GLIS1: variants seen among roughly 807,000 people sequenced by gnomAD.
GLIS1 encodes zinc finger protein GLIS1.
A neutral mutation model predicts 63.8 loss-of-function variants in GLIS1; 24 were observed. That is an observed-to-expected ratio of 0.38 (90% CI 0.27 to 0.53). The LOEUF (loss-of-function observed/expected upper bound fraction) is 0.53. Among genes scored for constraint, GLIS1 ranks in the 20% least tolerant of loss-of-function variants. GLIS1 has a pLI of 0.85. For synonymous variants in GLIS1, 450 were observed against 482.5 expected (o/e 0.93, Z 0.88); for missense variants, 1,036 against 1,074.1 (o/e 0.96, Z 0.50).
rs964932344 is a variant in GLIS1 at position 53,688,357 on chromosome 1, C to T, written c.259+49449G>A. ...GGGTAGAGGTGGGGAAAGGGGAAGA[C>T]GTGGCGGGTGGAAGGGGGCTCTCCC... On this transcript the variant is annotated intron_variant, in intron 2 of 10. Transcript: ENST00000628545. Among the ~76,000 whole-genome samples the T allele has an allele frequency of 2.6e-5, 4 of 152,184 alleles. No homozygotes were observed. The South Asian group carries it at 6.2e-4, about 24-fold the overall frequency.
chr1:53,514,841 G>A, intron 7 of GLIS1, 60 bp from the exon 8 acceptor site: 1 of 1,487,696 alleles, frequency 6.7e-7, no homozygotes, highest in Non-Finnish European at 9.0e-7. Context: ...TGGTTGTGAT[G>A]GCCCAGGAGC....
chr1:53,545,399 T>C (rs1291978395), intron 4 of GLIS1, among the ~76,000 whole-genome samples: 1 of 152,222 alleles, frequency 6.6e-6, no homozygotes, highest in Non-Finnish European at 1.5e-5. Flanking sequence ...GGGCAGACTG[T>C]CATGCTTTTA....
At chr1:53,664,673 G>A (rs140088332) in intron 2 of GLIS1, among the ~76,000 whole-genome samples, 2 of 152,144 alleles carry the variant, frequency 1.3e-5, no homozygotes, top group East Asian at 1.9e-4. Context: ...GCAAACAAAC[G>A]AATAGTTGCA....
rs1483774444 is a variant in GLIS1 at position 53,594,511 on chromosome 1, T to G, written c.917A>C (p.Glu306Ala). The change falls in exon 4 of 11, where the codon GAG becomes GCG. Residue 306 changes from glutamate to alanine, a missense_variant. Glu to Ala is a moderately radical substitution (Grantham distance 107, BLOSUM62 -1). This residue lies in a region of GLIS1 where 592 missense variants were observed against 593.9 expected (regional missense o/e 1.00). Transcript: ENST00000628545. ...RPGPASTDSH[E>A]GSLQLEACRK... is the part of the protein sequence containing the mutation. ...GCAGGCTTCAAGTTGCAAGCTGCCC[T>G]CATGGCTGTCCGTCGATGCAGGGCC... The G allele has an allele frequency of 6.2e-7, 1 of 1,612,732 alleles. No homozygotes were observed. The highest frequency in any genetic ancestry group is 8.5e-7 in the Non-Finnish European group (1 of 1,179,754).
rs146045341 is a variant in GLIS1 at position 53,616,781 on chromosome 1, G to A, written c.260-16503C>T. On this transcript the variant is annotated intron_variant, in intron 2 of 10. Transcript: ENST00000628545. ...CGGGCACAATCCGGAGATCCAGCCC[G>A]GAGCAGACAGGGGCAAGAGTTCCAA... 3.4e-3 allele frequency among the ~76,000 whole-genome samples: 513 copies of A among 152,282 alleles called. 3 individuals are homozygous for A. The highest frequency in any genetic ancestry group is 9.8e-3 in the South Asian group (47 of 4,820).
rs760607934 is a variant in GLIS1 at position 53,509,168 on chromosome 1, G to A, written c.2182C>T (p.Leu728=). The A allele has an allele frequency of 6.2e-7, 1 of 1,600,806 alleles. No individual in the cohort carries two copies. Among genetic ancestry groups the A allele is most frequent in the African/African-American group, 1.3e-5 (1 of 74,894 alleles). ...AGGCTGTGGTAGCCATTGGGCCGCA[G>A]GGGGTTGAAACCGTGGGTCTCCCCG... is the stretch of plus-strand genomic sequence containing the variant. ...LVGETHGFNP[L]RPNGYHSLST... is the part of the protein sequence containing the mutation. The change falls in exon 10 of 11, where the codon CTG becomes TTG. Residue 728 remains leucine, a synonymous_variant. Coordinates refer to ENST00000628545, the MANE Select transcript of GLIS1 (RefSeq NM_001367484.1).
intron 2 of GLIS1, among the ~76,000 whole-genome samples, chr1:53,720,515 AAGAAG>A (rs1197736901): frequency 1.3e-5 from 2 of 152,190 alleles, no homozygotes; most frequent in South Asian, 2.1e-4. Flanking sequence ...GAAGGAAAAA[AAGAAG>A]AGAAGTTGGT....
intron 2 of GLIS1, among the ~76,000 whole-genome samples, chr1:53,710,201 G>A (rs548995319): frequency 6.6e-6 from 1 of 152,152 alleles, no homozygotes; most frequent in Admixed American, 6.5e-5. Context: ...TCCATCTCTG[G>A]GGGGCTTTCC....
intron 4 of GLIS1, 82 bp from the exon 5 acceptor site, chr1:53,530,034 T>TGGGG: frequency 7.4e-7 from 1 of 1,354,642 alleles, no homozygotes; most frequent in Non-Finnish European, 1.0e-6. Flanking sequence ...CAGGCCTGCC[T>TGGGG]GGCCCCAGCA....
chr1:53,602,757 C>G (rs1178104358), intron 2 of GLIS1, among the ~76,000 whole-genome samples: 1 of 152,180 alleles, frequency 6.6e-6, no homozygotes, highest in Non-Finnish European at 1.5e-5. Context: ...CAGTTCAAAC[C>G]TAGATCTCCC....
intron 2 of GLIS1, among the ~76,000 whole-genome samples, chr1:53,665,408 G>A (rs1570012604): frequency 2.0e-5 from 3 of 152,244 alleles, no homozygotes; most frequent in East Asian, 3.9e-4. Flanking sequence ...TGTAAAGTAC[G>A]GAGGTGAGGT....
intron 2 of GLIS1, among the ~76,000 whole-genome samples, chr1:53,616,813 CCGAGGCT>C (rs1645487615): frequency 6.6e-6 from 1 of 152,150 alleles, no homozygotes; most frequent in South Asian, 2.1e-4. Context: ...CCAAGTCCCT[CCGAGGCT>C]CGGGATTTCT....
chr1:53,636,074 A>T (rs1170566403), intron 2 of GLIS1, among the ~76,000 whole-genome samples: 1 of 152,196 alleles, frequency 6.6e-6, no homozygotes, highest in East Asian at 1.9e-4. Context: ...AAAAGGGGGA[A>T]TACTCTCCAG....
intron 4 of GLIS1, among the ~76,000 whole-genome samples, chr1:53,531,284 C>T (rs1208318956): frequency 6.6e-6 from 1 of 152,216 alleles, no homozygotes; most frequent in African/African-American, 2.4e-5. Flanking sequence ...GGACCCTGCC[C>T]CTCTGACCCA....
At chr1:53,552,748 G>A (rs1482763041) in intron 4 of GLIS1, among the ~76,000 whole-genome samples, 2 of 152,194 alleles carry the variant, frequency 1.3e-5, no homozygotes, top group Admixed American at 6.5e-5. Flanking sequence ...GCTGGACCAC[G>A]GGCTGGCAGC....
In GLIS1 at chr1:53,510,732, G is replaced by A. The variant is rs375296880; in HGVS notation, c.1884-705C>T. The stretch of plus-strand genomic sequence containing the variant: ...ATCATCATCATTATGAAGAGGAAGG[G>A]AAGAAAAACTAGCAAGTCGGTCCCA... On this transcript the variant is annotated intron_variant, in intron 8 of 10. Coordinates refer to ENST00000628545, the MANE Select transcript of GLIS1 (RefSeq NM_001367484.1). 2.5e-4 allele frequency among the ~76,000 whole-genome samples: 38 copies of A among 152,274 alleles called. No individual in the cohort carries two copies. In the East Asian group the frequency reaches 5.8e-3, roughly 23 times the overall value.
intron 4 of GLIS1, among the ~76,000 whole-genome samples, chr1:53,583,959 G>A (rs921097681): frequency 1.3e-5 from 2 of 152,218 alleles, no homozygotes; most frequent in African/African-American, 4.8e-5. Context: ...CCAAACATGT[G>A]CAGACACTGT....
intron 4 of GLIS1, among the ~76,000 whole-genome samples, chr1:53,577,933 C>T (rs1557460335): frequency 6.6e-6 from 1 of 152,154 alleles, no homozygotes; most frequent in Non-Finnish European, 1.5e-5. Flanking sequence ...ATGCCAGTGC[C>T]TCCTCCTGGA....
chr1:53,631,877 A>G (rs1645655442), intron 2 of GLIS1, among the ~76,000 whole-genome samples: 4 of 152,106 alleles, frequency 2.6e-5, no homozygotes, highest in African/African-American at 7.2e-5. Context: ...AATGGCCAGG[A>G]TCAGCAAGAA....
Sources: allele counts gnomAD v4.1 joint callset (sites outside exome capture counted in the v4.1 genomes callset), GRCh38; gene constraint gnomAD v4.1.1; regional missense constraint gnomAD v4.1.1; transcripts MANE v1.5; gene names NCBI Gene and HGNC (gene_info 2026-07-23, HGNC 2026-07-21).